UBE2N: variants seen among roughly 807,000 people sequenced by gnomAD.
UBE2N encodes the protein ubiquitin-conjugating enzyme E2 N.
For missense variants in UBE2N, 60 were observed against 192.1 expected, an observed-to-expected ratio of 0.31 and a Z score of 4.07; for synonymous variants, 70 against 69.2, an observed-to-expected ratio of 1.01 and a Z score of -0.06.
At chr12:93,414,298 A>G (rs1180995410) in intron 1 of UBE2N, among the ~76,000 whole-genome samples, 1 of 150,886 alleles carries the variant, frequency 6.6e-6, no homozygotes, top group Non-Finnish European at 1.5e-5. Context: ...AAAAATATAA[A>G]ATTAGCTAGG....
chr12:93,431,696 A>T (rs1371158900), intron 1 of UBE2N, among the ~76,000 whole-genome samples: 2 of 152,246 alleles, frequency 1.3e-5, no homozygotes, highest in Non-Finnish European at 2.9e-5. Flanking sequence ...TATGAATTTC[A>T]TAATTAGAAA....
intron 1 of UBE2N, among the ~76,000 whole-genome samples, chr12:93,436,960 A>G (rs1309350903): frequency 6.6e-6 from 1 of 152,174 alleles, no homozygotes; most frequent in African/African-American, 2.4e-5. Flanking sequence ...TGAATAAGCA[A>G]TTAGTTACAA....
At chr12:93,411,030 A>G (rs1291683375) in intron 2 of UBE2N, 23 bp downstream of exon 2, 1 of 1,613,940 alleles carries the variant, frequency 6.2e-7, no homozygotes, top group African/African-American at 1.3e-5. Flanking sequence ...ATAATAGCAT[A>G]TGCTGATAAA....
chr12:93,434,302 A>C (rs1046846464), intron 1 of UBE2N, among the ~76,000 whole-genome samples: 5 of 152,076 alleles, frequency 3.3e-5, no homozygotes, highest in African/African-American at 9.7e-5. Context: ...ACAAAAAAAA[A>C]CTCTGGTTTT....
Position 93,429,824 on chromosome 12 carries a change from G to C in UBE2N, c.30+12031C>G, listed in dbSNP as rs1192372888. ...GAGAAAAAAGCTTATAGGATATAAA[G>C]AAAATATATTTTTGCACAGCTGTAT... is the stretch of plus-strand genomic sequence containing the variant. On this transcript the variant is annotated intron_variant, in intron 1 of 3. Coordinates refer to ENST00000318066, the MANE Select transcript of UBE2N (RefSeq NM_003348.4). Among the ~76,000 whole-genome samples the C allele has an allele frequency of 3.9e-5, 6 of 152,212 alleles. No individual in the cohort carries two copies. In the East Asian group the frequency reaches 1.2e-3, roughly 29 times the overall value.
chr12:93,417,780 C>T (rs1878266258), intron 1 of UBE2N, among the ~76,000 whole-genome samples: 2 of 151,682 alleles, frequency 1.3e-5, no homozygotes, highest in Non-Finnish European at 1.5e-5. Flanking sequence ...CATCTTTAAG[C>T]GATTCTAAAA....
At position 93,406,548 on chromosome 12, in the gene UBE2N, G is replaced by C. The variant is rs1877828388; in HGVS notation, c.*3491C>G. On this transcript the variant is annotated 3_prime_UTR_variant, in exon 4 of 4. Coordinates refer to ENST00000318066, the MANE Select transcript of UBE2N (RefSeq NM_003348.4). The stretch of plus-strand genomic sequence containing the variant: ...TTGGTCTAGAGTAAGGTTCTATATA[G>C]TTGGCCCTCCATATCCATGGGTTCC... 1 of 152,176 alleles carries C rather than the reference G, an allele frequency of 6.6e-6. No individual in the cohort carries two copies. Among genetic ancestry groups the C allele is most frequent in the South Asian group, 2.1e-4 (1 of 4,828 alleles). The allele number at this position is 152,176 out of a possible 1,614,324, so 9.4% of individuals were successfully genotyped here.
At chr12:93,437,152 T>C (rs988495575) in intron 1 of UBE2N, among the ~76,000 whole-genome samples, 5 of 150,984 alleles carry the variant, frequency 3.3e-5, no homozygotes, top group Non-Finnish European at 5.9e-5. Flanking sequence ...AGTCTAACCA[T>C]AAGGTTCCAT....
intron 1 of UBE2N, among the ~76,000 whole-genome samples, chr12:93,424,622 C>G (rs770038280): frequency 6.6e-6 from 1 of 152,198 alleles, no homozygotes; most frequent in Non-Finnish European, 1.5e-5. Flanking sequence ...CAGGGCTAAC[C>G]ATACCGCACA....
In UBE2N at chr12:93,413,471, C is replaced by G. The variant is rs1039636707; in HGVS notation, c.31-2172G>C. On this transcript the variant is annotated intron_variant, in intron 1 of 3. Coordinates refer to ENST00000318066, the MANE Select transcript of UBE2N (RefSeq NM_003348.4). ...CCTAATTCATATCTAGCCCAGACCTCTCCCCTCATCGTGCCTCTTGCCTCT... is the reference window on the plus strand; with the variant it reads ...CCTAATTCATATCTAGCCCAGACCTGTCCCCTCATCGTGCCTCTTGCCTCT... Among the ~76,000 whole-genome samples, 32 of 152,182 alleles carry G rather than the reference C, an allele frequency of 2.1e-4. 1 individual carries two copies. Among genetic ancestry groups the G allele is most frequent in the Admixed American group, 1.8e-3 (28 of 15,280 alleles).
At chr12:93,411,566 A>G (rs1878031103) in intron 1 of UBE2N, among the ~76,000 whole-genome samples, 1 of 152,250 alleles carries the variant, frequency 6.6e-6, no homozygotes, top group African/African-American at 2.4e-5. Flanking sequence ...TAGCTTAATA[A>G]AACTGATTTT....
chr12:93,410,715 G>C lies in UBE2N; in HGVS notation c.418+19C>G, dbSNP rs377737192. On this transcript the variant is annotated intron_variant, in intron 3 of 3. Coordinates refer to ENST00000318066, the MANE Select transcript of UBE2N (RefSeq NM_003348.4). ...TTGTAAAAGTGGAAGTGGTGTGAAG[G>C]AGAATGAATATTAGATACCTGTTTC... is the stretch of plus-strand genomic sequence containing the variant. 12 of 1,613,554 alleles carry C rather than the reference G, an allele frequency of 7.4e-6. No homozygotes were observed. The highest frequency in any genetic ancestry group is 1.0e-5 in the Non-Finnish European group (12 of 1,179,632).
intron 1 of UBE2N, among the ~76,000 whole-genome samples, chr12:93,429,962 A>T (rs920438878): frequency 5.9e-5 from 9 of 152,210 alleles, no homozygotes; most frequent in East Asian, 1.9e-4. Flanking sequence ...GAAACATTTT[A>T]AAAAATTTTT....
chr12:93,413,322 T>A (rs1397846574), intron 1 of UBE2N, among the ~76,000 whole-genome samples: 1 of 152,156 alleles, frequency 6.6e-6, no homozygotes, highest in Non-Finnish European at 1.5e-5. Flanking sequence ...TCTCCCAACA[T>A]CGCAACACTG....
intron 1 of UBE2N, among the ~76,000 whole-genome samples, chr12:93,420,386 A>C (rs1404519940): frequency 6.6e-6 from 1 of 152,186 alleles, no homozygotes; most frequent in Non-Finnish European, 1.5e-5. Context: ...TGGGAGCTGG[A>C]GGGACTTCTG....
At chr12:93,423,406 C>T (rs1010531822) in intron 1 of UBE2N, among the ~76,000 whole-genome samples, 5 of 152,118 alleles carry the variant, frequency 3.3e-5, no homozygotes, top group African/African-American at 1.2e-4. Context: ...CTGGTAAATA[C>T]GTTAAGAAGC....
intron 1 of UBE2N, among the ~76,000 whole-genome samples, chr12:93,416,955 T>TTGTTTGTG: frequency 6.6e-6 from 1 of 152,122 alleles, no homozygotes; most frequent in Admixed American, 6.5e-5. Context: ...ATTTTGTGAT[T>TTGTTTGTG]CTATTATGTT....
intron 1 of UBE2N, among the ~76,000 whole-genome samples, chr12:93,418,166 G>A (rs1157610044): frequency 6.6e-6 from 1 of 151,974 alleles, no homozygotes; most frequent in African/African-American, 2.4e-5. Context: ...CCACCAGCCT[G>A]GGCAACATAG....
chr12:93,435,162 A>C (rs1387426888), intron 1 of UBE2N, among the ~76,000 whole-genome samples: 2 of 152,110 alleles, frequency 1.3e-5, no homozygotes, highest in African/African-American at 4.8e-5. Context: ...TTATCAGACA[A>C]GTATTTTCAG....
Sources: gnomAD v4.1 joint callset for allele counts (sites outside exome capture counted in the v4.1 genomes callset) on GRCh38, gnomAD v4.1.1 for gene constraint, MANE v1.5 for transcripts, NCBI Gene and HGNC (gene_info 2026-07-23, HGNC 2026-07-21) for gene names.